SORCS3: variants seen among roughly 807,000 people sequenced by gnomAD.
SORCS3 encodes sortilin related VPS10 domain containing receptor 3, also known as VPS10 domain-containing receptor SorCS3.
A neutral mutation model predicts 146.3 loss-of-function variants in SORCS3; 57 were observed. The observed-to-expected ratio is 0.39, with a 90% CI of 0.31 to 0.49. SORCS3 has a LOEUF of 0.49. SORCS3 is among the 20% of genes least tolerant of loss of function. The probability of loss-of-function intolerance (pLI) is 0.92; values close to 1 mark genes in which losing one functional copy is unlikely to be tolerated. For synonymous variants in SORCS3, 653 were observed against 618.5 expected (o/e 1.06, Z -0.83); for missense variants, 1,341 against 1,575.5 (o/e 0.85, Z 2.52).
At chr10:105,148,684 C>T (rs2056148961) in intron 9 of SORCS3, among the ~76,000 whole-genome samples, 1 of 152,054 alleles carries the variant, frequency 6.6e-6, no homozygotes, top group Non-Finnish European at 1.5e-5. Context: ...GTGGTGGCCT[C>T]AGAGCTGGGT....
At chr10:104,939,043 G>T (rs2019286728) in intron 3 of SORCS3, among the ~76,000 whole-genome samples, 1 of 152,222 alleles carries the variant, frequency 6.6e-6, no homozygotes, top group African/African-American at 2.4e-5. Flanking sequence ...CACCTTCTGT[G>T]TTCAGCATTC....
rs183413872 is a variant in SORCS3 at position 105,015,626 on chromosome 10, G to A, written c.955-27429G>A. ...GTAGAATTATTTTTAAAAGCAAAGAGACGATGGGGACAATAAAGCCCAGAT... is the reference window on the plus strand; with the variant it reads ...GTAGAATTATTTTTAAAAGCAAAGAAACGATGGGGACAATAAAGCCCAGAT... On this transcript the variant is annotated intron_variant, in intron 4 of 26. Coordinates refer to ENST00000369701, the MANE Select transcript of SORCS3 (RefSeq NM_014978.3). Among the ~76,000 whole-genome samples the A allele has an allele frequency of 4.6e-5, 7 of 152,292 alleles. No individual in the cohort carries two copies. The East Asian group carries it at 1.4e-3, about 29-fold the overall frequency.
intron 4 of SORCS3, among the ~76,000 whole-genome samples, chr10:104,979,696 G>A (rs534116784): frequency 6.6e-6 from 1 of 152,158 alleles, no homozygotes; most frequent in Non-Finnish European, 1.5e-5. Context: ...ATCCCCTAAG[G>A]ACACCCACAT....
intron 7 of SORCS3, among the ~76,000 whole-genome samples, chr10:105,135,335 C>T (rs935456261): frequency 6.6e-6 from 1 of 152,108 alleles, no homozygotes; most frequent in African/African-American, 2.4e-5. Flanking sequence ...CTCCTCCCTT[C>T]AAATTGTTTT....
chr10:105,058,769 C>T (rs373653337), intron 5 of SORCS3, among the ~76,000 whole-genome samples: 9 of 152,008 alleles, frequency 5.9e-5, no homozygotes, highest in African/African-American at 9.7e-5. Flanking sequence ...AAGGGAGAAC[C>T]GGCAGTGAAT....
chr10:105,146,911 T>G (rs1037254971), intron 8 of SORCS3, among the ~76,000 whole-genome samples: 3 of 152,150 alleles, frequency 2.0e-5, no homozygotes, highest in African/African-American at 7.2e-5. Flanking sequence ...ACTGACACAT[T>G]CAGCATCATG....
At chr10:104,754,982 A>G (rs1010330479) in intron 1 of SORCS3, among the ~76,000 whole-genome samples, 5 of 152,238 alleles carry the variant, frequency 3.3e-5, no homozygotes, top group African/African-American at 1.2e-4. Flanking sequence ...GATGCCAAAG[A>G]AGAAATTAAA....
At chr10:104,707,904 G>A (rs772393884) in intron 1 of SORCS3, among the ~76,000 whole-genome samples, 1 of 152,204 alleles carries the variant, frequency 6.6e-6, no homozygotes, top group Non-Finnish European at 1.5e-5. Flanking sequence ...GATACACTTG[G>A]GATGCAGATC....
chr10:104,702,608 G>A (rs2016293001), intron 1 of SORCS3, among the ~76,000 whole-genome samples: 1 of 152,154 alleles, frequency 6.6e-6, no homozygotes, highest in South Asian at 2.1e-4. Flanking sequence ...TTTAAGTGAT[G>A]TTTCCAAGAG....
At chr10:105,255,012 C>A (rs1053765692) in intron 23 of SORCS3, among the ~76,000 whole-genome samples, 7 of 151,546 alleles carry the variant, frequency 4.6e-5, no homozygotes, top group African/African-American at 7.3e-5. Context: ...CACGGTGAAA[C>A]CCCGTCTCTA....
chr10:104,821,667 C>T (rs925173516), intron 1 of SORCS3, among the ~76,000 whole-genome samples: 1 of 152,186 alleles, frequency 6.6e-6, no homozygotes, highest in Admixed American at 6.5e-5. Flanking sequence ...TGATAAAATG[C>T]AAAGCCATTT....
intron 1 of SORCS3, among the ~76,000 whole-genome samples, chr10:104,722,932 C>T (rs141955433): frequency 0.013 from 1,914 of 152,222 alleles, 18 homozygotes; most frequent in Non-Finnish European, 0.021. Context: ...AAAACCAGCT[C>T]CTGTATTCAT....
intron 1 of SORCS3, among the ~76,000 whole-genome samples, chr10:104,763,030 A>G (rs1005732317): frequency 3.9e-5 from 6 of 152,190 alleles, no homozygotes; most frequent in Non-Finnish European, 7.3e-5. Context: ...TGTGATGTAC[A>G]GCCAGAAGTG....
intron 3 of SORCS3, among the ~76,000 whole-genome samples, chr10:104,943,500 T>C (rs998954699): frequency 6.6e-6 from 1 of 152,180 alleles, no homozygotes; most frequent in East Asian, 1.9e-4. Context: ...AGTAATACAA[T>C]GAATCAAGTC....
intron 14 of SORCS3, among the ~76,000 whole-genome samples, chr10:105,192,135 G>A (rs2056520718): frequency 6.6e-6 from 1 of 152,034 alleles, no homozygotes. Context: ...GAAAAAGGAA[G>A]AAACCTCATA....
intron 1 of SORCS3, among the ~76,000 whole-genome samples, chr10:104,809,035 G>C (rs896541234): frequency 6.6e-6 from 1 of 152,162 alleles, no homozygotes; most frequent in Non-Finnish European, 1.5e-5. Flanking sequence ...TTCATTTTTT[G>C]TCATATAAAA....
At chr10:104,811,157 G>A (rs2017736450) in intron 1 of SORCS3, among the ~76,000 whole-genome samples, 2 of 152,284 alleles carry the variant, frequency 1.3e-5, no homozygotes, top group African/African-American at 2.4e-5. Flanking sequence ...GGTACATTTC[G>A]TGTGCCAGGA....
chr10:105,041,004 T>C (rs1216739573), intron 4 of SORCS3, among the ~76,000 whole-genome samples: 1 of 147,948 alleles, frequency 6.8e-6, no homozygotes, highest in Admixed American at 6.8e-5. Flanking sequence ...TATATTTGTA[T>C]ATATATTTAG....
chr10:104,653,531 T>C (rs889463993), intron 1 of SORCS3, among the ~76,000 whole-genome samples: 1 of 152,206 alleles, frequency 6.6e-6, no homozygotes, highest in African/African-American at 2.4e-5. Flanking sequence ...GGGAATGTCT[T>C]GGTTTATACC....
Sources: allele counts gnomAD v4.1 joint callset (sites outside exome capture counted in the v4.1 genomes callset), GRCh38; gene constraint gnomAD v4.1.1; transcripts MANE v1.5; gene names NCBI Gene and HGNC (gene_info 2026-07-23, HGNC 2026-07-21).